STYXL1: variants seen among roughly 807,000 people sequenced by gnomAD.
STYXL1 encodes the protein serine/threonine/tyrosine interacting like 1.
STYXL1 carries 32 observed loss-of-function variants against 36.4 expected under a neutral mutation model. The observed-to-expected ratio is 0.88, with a 90% CI of 0.66 to 1.18. The LOEUF (loss-of-function observed/expected upper bound fraction) is 1.18, where lower values mean the gene tolerates loss of function less well. STYXL1 is among the 50% of genes most tolerant of loss of function. The pLI is 0.00. For missense variants in STYXL1, 354 were observed against 394.1 expected (o/e 0.90, Z 0.86); for synonymous variants, 133 against 144.1 (o/e 0.92, Z 0.55).
At chr7:76,022,030 T>C in intron 3 of STYXL1, 38 bp from the exon 4 acceptor site, 1 of 1,587,090 alleles carries the variant, frequency 6.3e-7, no homozygotes, top group Non-Finnish European at 8.5e-7. Flanking sequence ...GAGAGGCCTG[T>C]TGGTGGGCAG....
At chr7:76,013,937 G>T in intron 4 of STYXL1, 50 bp from the exon 5 acceptor site, 4 of 1,535,328 alleles carry the variant, frequency 2.6e-6, no homozygotes, top group Non-Finnish European at 3.5e-6. Flanking sequence ...TCTGCCATTG[G>T]TCTAGAGCTG....
At chr7:76,018,153 G>A (rs1439739758) in intron 4 of STYXL1, among the ~76,000 whole-genome samples, 2 of 151,676 alleles carry the variant, frequency 1.3e-5, no homozygotes, top group South Asian at 2.1e-4. Flanking sequence ...AGGTGTGAGC[G>A]ACAGTGCCCG....
chr7:76,019,305 GT>G (rs1422731555), intron 4 of STYXL1, among the ~76,000 whole-genome samples: 2 of 142,394 alleles, frequency 1.4e-5, no homozygotes, highest in African/African-American at 5.2e-5. Context: ...TTTTAAATAC[GT>G]TTTTTTTAGA....
chr7:76,024,559 G>A (rs1554577168), intron 3 of STYXL1, among the ~76,000 whole-genome samples: 1 of 152,128 alleles, frequency 6.6e-6, no homozygotes, highest in African/African-American at 2.4e-5. Flanking sequence ...TAAGGCTGCA[G>A]TGAGCTGTGA....
intron 3 of STYXL1, among the ~76,000 whole-genome samples, chr7:76,023,641 C>T (rs1464856300): frequency 6.6e-6 from 1 of 152,030 alleles, no homozygotes; most frequent in Non-Finnish European, 1.5e-5. Context: ...GTGAGAGGAT[C>T]ACTTGAGTCT....
At chr7:76,018,431 T>C (rs1451211659) in intron 4 of STYXL1, among the ~76,000 whole-genome samples, 1 of 152,010 alleles carries the variant, frequency 6.6e-6, no homozygotes, top group African/African-American at 2.4e-5. Flanking sequence ...CACTCTGTTG[T>C]CCAGGCTAGA....
At chr7:76,022,476 A>C (rs1794190199) in intron 3 of STYXL1, among the ~76,000 whole-genome samples, 3 of 149,498 alleles carry the variant, frequency 2.0e-5, no homozygotes, top group Non-Finnish European at 4.5e-5. Flanking sequence ...CCTGGACAAC[A>C]GCAAGATCCC....
intron 3 of STYXL1, among the ~76,000 whole-genome samples, chr7:76,024,948 CAAA>C (rs56728505): frequency 1.5e-4 from 11 of 72,382 alleles, no homozygotes; most frequent in Non-Finnish European, 1.8e-4. Context: ...GACTCTGTCT[CAAA>C]AAAAAAAAAA....
chr7:76,038,797 TTC>T (rs1321360603), intron 1 of STYXL1, among the ~76,000 whole-genome samples: 1 of 148,428 alleles, frequency 6.7e-6, no homozygotes, highest in African/African-American at 2.6e-5. Context: ...TTTTGCTGTT[TTC>T]TCTTAGAGAC....
intron 4 of STYXL1, 152 bp downstream of exon 4, chr7:76,021,699 G>T: frequency 1.5e-6 from 1 of 686,448 alleles, no homozygotes; most frequent in Non-Finnish European, 2.6e-6. Flanking sequence ...TCGGTATCCA[G>T]TGATCATGAA....
In STYXL1 at chr7:76,048,000, T is replaced by C. The variant is rs1554584326; in HGVS notation, c.-343A>G. 6 of 1,496,804 alleles carry C rather than the reference T, an allele frequency of 4.0e-6. No homozygotes were observed. The highest frequency in any genetic ancestry group is 5.3e-6 in the Non-Finnish European group (6 of 1,124,284). The allele number at this position is 1,496,804 out of a possible 1,614,324, so 92.7% of individuals were successfully genotyped here. On this transcript the variant is annotated 5_prime_UTR_variant, in exon 1 of 9. Transcript: ENST00000359697. Reference sequence around the variant, plus strand: ...AGCTTTCCTTTCCGACTCCCGGAAGTGGCCGTGATCTCACGAGATCCCGGA... The same window carrying C: ...AGCTTTCCTTTCCGACTCCCGGAAGCGGCCGTGATCTCACGAGATCCCGGA...
intron 1 of STYXL1, among the ~76,000 whole-genome samples, chr7:76,041,108 G>C (rs534362974): frequency 9.9e-5 from 15 of 151,488 alleles, no homozygotes; most frequent in African/African-American, 3.4e-4. Context: ...AGGCTGAGCT[G>C]GGAGAATCAC....
intron 5 of STYXL1, among the ~76,000 whole-genome samples, chr7:76,011,141 G>A (rs922771731): frequency 1.3e-5 from 2 of 152,158 alleles, no homozygotes; most frequent in Non-Finnish European, 2.9e-5. Context: ...CCAAGCCCAG[G>A]AGGTGGAGGC....
chr7:76,015,072 C>G (rs1793109722), intron 4 of STYXL1, among the ~76,000 whole-genome samples: 1 of 152,122 alleles, frequency 6.6e-6, no homozygotes, highest in African/African-American at 2.4e-5. Flanking sequence ...CATGGAAAGA[C>G]CCCGCCTCCA....
chr7:76,040,880 G>A (rs1390957251), intron 1 of STYXL1, among the ~76,000 whole-genome samples: 1 of 151,278 alleles, frequency 6.6e-6, no homozygotes, highest in Non-Finnish European at 1.5e-5. Flanking sequence ...GAAAAAAAAA[G>A]CTATTTATCT....
chr7:76,000,886 A>T lies in STYXL1; in HGVS notation c.810+4T>A. 3 of 1,613,574 alleles carry T rather than the reference A, an allele frequency of 1.9e-6. No homozygotes were observed. Among genetic ancestry groups the T allele is most frequent in the Non-Finnish European group, 2.5e-6 (3 of 1,179,498 alleles). ...GGTGCGAGCCTGGCCCGGGGAACGC[A>T]TACCTGCAAGGTCTGCTCGTTACTA... On this transcript the variant is annotated splice_donor_region_variant and intron_variant, in intron 8 of 8. Transcript: ENST00000359697.
At chr7:76,004,342 G>A (rs1056835311) in intron 6 of STYXL1, among the ~76,000 whole-genome samples, 46 of 152,086 alleles carry the variant, frequency 3.0e-4, no homozygotes, top group South Asian at 1.5e-3. Flanking sequence ...TTATGTACCC[G>A]CCTTGGCCTC....
rs1554569087 is a variant in STYXL1 at position 76,003,864 on chromosome 7, A to G, written c.600-9T>C. The G allele has an allele frequency of 1.2e-6, 2 of 1,613,798 alleles. No individual in the cohort carries two copies. Among genetic ancestry groups the G allele is most frequent in the South Asian group, 2.2e-5 (2 of 91,078 alleles). On this transcript the variant is annotated splice_polypyrimidine_tract_variant and intron_variant, in intron 6 of 8. Coordinates refer to ENST00000359697, the MANE Select transcript of STYXL1 (RefSeq NM_001317785.2). ...CAGCATCGCCTGCAAAACTACACGGAAGGACCACACAGGTCATCAGGTGGA... is the reference window on the plus strand; with the variant it reads ...CAGCATCGCCTGCAAAACTACACGGGAGGACCACACAGGTCATCAGGTGGA...
intron 7 of STYXL1, among the ~76,000 whole-genome samples, chr7:76,001,792 A>ATTTTTT (rs71082373): frequency 1.0e-5 from 1 of 96,950 alleles, no homozygotes; most frequent in African/African-American, 4.2e-5. Context: ...ACTGCGCCTG[A>ATTTTTT]TTTTTTTTTT....
Sources: gnomAD v4.1 joint callset for allele counts (sites outside exome capture counted in the v4.1 genomes callset) on GRCh38, gnomAD v4.1.1 for gene constraint, MANE v1.5 for transcripts, NCBI Gene and HGNC (gene_info 2026-07-23, HGNC 2026-07-21) for gene names.